Variants in MTHFS observed in about 807,000 individuals in gnomAD.
MTHFS encodes the protein methenyltetrahydrofolate synthetase.
A neutral mutation model predicts 12.7 loss-of-function variants in MTHFS; 7 were observed. That is an observed-to-expected ratio of 0.55 (90% confidence interval 0.31 to 1.03). The LOEUF (loss-of-function observed/expected upper bound fraction) is 1.03. MTHFS is among the 50% of genes least tolerant of loss of function. The pLI, the probability that MTHFS is intolerant of heterozygous loss-of-function variation, is 0.05. For synonymous variants in MTHFS, 100 were observed against 97.1 expected (o/e 1.03, Z -0.18); for missense variants, 252 against 258.1 (o/e 0.98, Z 0.16).
chr15:79,894,712 T>C (rs940418426), intron 1 of MTHFS, among the ~76,000 whole-genome samples: 6 of 152,208 alleles, frequency 3.9e-5, no homozygotes, highest in East Asian at 1.9e-4. Context: ...ACCTTCTTTA[T>C]GCCTAAGGCT....
intron 2 of MTHFS, among the ~76,000 whole-genome samples, chr15:79,866,059 T>C (rs868812230): frequency 1.3e-5 from 2 of 152,118 alleles, no homozygotes; most frequent in South Asian, 4.2e-4. Context: ...TTTTTTTTTT[T>C]TTAAGGAGGA....
intron 2 of MTHFS, among the ~76,000 whole-genome samples, chr15:79,859,238 T>TA (rs541271220): frequency 1.1e-4 from 17 of 152,192 alleles, no homozygotes; most frequent in South Asian, 2.1e-4. Context: ...CAGTTAATCT[T>TA]AAAAAATAAA....
intron 2 of MTHFS, among the ~76,000 whole-genome samples, chr15:79,850,094 G>C (rs1053218474): frequency 1.3e-5 from 2 of 152,238 alleles, no homozygotes; most frequent in Non-Finnish European, 2.9e-5. Context: ...CCGTAAAATG[G>C]AGCTGGTCAT....
chr15:79,896,977 TGCC>T lies in MTHFS; in HGVS notation c.9_11del (p.Ala5del), dbSNP rs1186116682. 1.3e-6 allele frequency: 2 copies of T among 1,530,176 alleles called. No homozygotes were observed. The highest frequency in any genetic ancestry group is 1.7e-6 in the Non-Finnish European group (2 of 1,144,112). The allele number at this position is 1,530,176 out of a possible 1,614,324, so 94.8% of individuals were successfully genotyped here. On this transcript the variant is annotated inframe_deletion, in exon 1 of 3. Transcript: ENST00000258874. The stretch of plus-strand genomic sequence containing the variant: ...GGCTCCGCTTGGCGCTGCTCACCGC[TGCC>T]GCCGCCATCTCACGCCCAAGCCGAG...
At chr15:79,887,673 C>T (rs764178489) in intron 2 of MTHFS, among the ~76,000 whole-genome samples, 1 of 152,142 alleles carries the variant, frequency 6.6e-6, no homozygotes, top group African/African-American at 2.4e-5. Context: ...CTTTTCTTCT[C>T]GATAAACCTA....
intron 2 of MTHFS, chr15:79,878,082 C>A (rs1470452855): frequency 6.6e-6 from 1 of 152,080 alleles, no homozygotes; most frequent in South Asian, 2.1e-4. Context: ...ACACTGGAAA[C>A]AGTAAGTAGG....
intron 2 of MTHFS, among the ~76,000 whole-genome samples, chr15:79,873,852 C>A (rs1009919312): frequency 6.6e-6 from 1 of 152,140 alleles, no homozygotes; most frequent in Non-Finnish European, 1.5e-5. Context: ...AGGTTGTAAT[C>A]CCAGTTGGTG....
intron 2 of MTHFS, among the ~76,000 whole-genome samples, chr15:79,859,399 T>C (rs1187749469): frequency 2.6e-5 from 4 of 152,224 alleles, no homozygotes; most frequent in Admixed American, 6.5e-5. Context: ...CACAGATAGT[T>C]TGGAAAAGAC....
chr15:79,873,186 T>C (rs535906582), intron 2 of MTHFS, among the ~76,000 whole-genome samples: 2 of 152,254 alleles, frequency 1.3e-5, no homozygotes, highest in South Asian at 4.1e-4. Context: ...GCTATAGATA[T>C]ATGATGTAGT....
At chr15:79,856,494 TTAAG>T (rs555522427) in intron 2 of MTHFS, among the ~76,000 whole-genome samples, 7 of 152,260 alleles carry the variant, frequency 4.6e-5, no homozygotes, top group Admixed American at 3.3e-4. Context: ...AAGAAATAAA[TTAAG>T]TCAGTCACAC....
chr15:79,857,303 A>G (rs1404639976), intron 2 of MTHFS, among the ~76,000 whole-genome samples: 1 of 151,864 alleles, frequency 6.6e-6, no homozygotes, highest in Admixed American at 6.6e-5. Context: ...CTGGCCCACT[A>G]TTCTTAATTA....
In MTHFS at chr15:79,880,804, C is replaced by A. The variant is rs74249364; in HGVS notation, c.379+8289G>T. Among the ~76,000 whole-genome samples the A allele has an allele frequency of 4.6e-3, 460 of 99,418 alleles. 1 individual carries two copies. The highest frequency in any genetic ancestry group is 8.9e-3 in the South Asian group (20 of 2,250). The allele number at this position is 99,418 out of a possible 152,430, so 65.2% of individuals were successfully genotyped here. The stretch of plus-strand genomic sequence containing the variant: ...CAAGTAGTAAAGCAAAAAAAAAAAA[C>A]AAACAAAAAACTTTTAAACTACATA... On this transcript the variant is annotated intron_variant, in intron 2 of 2. Coordinates refer to ENST00000258874, the MANE Select transcript of MTHFS (RefSeq NM_006441.4).
At chr15:79,894,389 A>G (rs1237072329) in intron 1 of MTHFS, among the ~76,000 whole-genome samples, 2 of 152,218 alleles carry the variant, frequency 1.3e-5, no homozygotes, top group Non-Finnish European at 2.9e-5. Flanking sequence ...TTGAAAAAAA[A>G]AGAAAATATT....
chr15:79,890,207 CTTTTTTTTTTTT>C (rs71150999), intron 1 of MTHFS, among the ~76,000 whole-genome samples: 8 of 100,694 alleles, frequency 7.9e-5, no homozygotes, highest in Non-Finnish European at 9.5e-5. Context: ...CTCTTTTTTC[CTTTTTTTTTTTT>C]TTTTTTTTTT....
At chr15:79,859,565 C>T (rs7173130) in intron 2 of MTHFS, among the ~76,000 whole-genome samples, 21,360 of 152,174 alleles carry the variant, frequency 0.14, 1,634 homozygotes, top group Middle Eastern at 0.18. Context: ...TGCCTGTAAC[C>T]CCAGCACTTT....
intron 2 of MTHFS, among the ~76,000 whole-genome samples, chr15:79,865,584 C>T (rs556011468): frequency 6.6e-6 from 1 of 152,244 alleles, no homozygotes; most frequent in South Asian, 2.1e-4. Flanking sequence ...CAAATCTTGA[C>T]CCTTCTTGGG....
intron 2 of MTHFS, among the ~76,000 whole-genome samples, chr15:79,862,777 T>G (rs2033940388): frequency 6.6e-6 from 1 of 152,198 alleles, no homozygotes; most frequent in African/African-American, 2.4e-5. Context: ...GGCTACAAAA[T>G]AGTTTCAAAA....
rs189518855 is a variant in MTHFS, at chr15:79,865,129, C to T, written c.380-19687G>A. The stretch of plus-strand genomic sequence containing the variant: ...CAAAATGTTATCAATAATGTAACTC[C>T]CACTGTTTTTACAAAGAAAACCTTG... On this transcript the variant is annotated intron_variant, in intron 2 of 2. Transcript: ENST00000258874. 6.0e-4 allele frequency among the ~76,000 whole-genome samples: 92 copies of T among 152,176 alleles called. 1 individual carries two copies. Among genetic ancestry groups the T allele is most frequent in the Non-Finnish European group, 1.1e-3 (74 of 68,012 alleles).
At chr15:79,856,792 G>GA (rs2141346699) in intron 2 of MTHFS, among the ~76,000 whole-genome samples, 1 of 152,056 alleles carries the variant, frequency 6.6e-6, no homozygotes, top group Admixed American at 6.5e-5. Context: ...AAGAAAGAAA[G>GA]AAAGAAAGAA....
Sources: allele counts gnomAD v4.1 joint callset (sites outside exome capture counted in the v4.1 genomes callset), GRCh38; gene constraint gnomAD v4.1.1; transcripts MANE v1.5; gene names NCBI Gene and HGNC (gene_info 2026-07-23, HGNC 2026-07-21).